KCNH5: variants seen among roughly 807,000 people sequenced by gnomAD.
KCNH5 encodes voltage-gated delayed rectifier potassium channel KCNH5.
Under a neutral mutation model 96.1 loss-of-function variants are expected in KCNH5, and 46 were observed. The observed-to-expected ratio is 0.48, with a 90% CI of 0.38 to 0.61. The LOEUF is 0.61. Ranked by LOEUF, KCNH5 falls within the 20% of genes least tolerant of loss-of-function variation. The probability of loss-of-function intolerance (pLI) is 0.00; values close to 1 mark genes in which losing one functional copy is unlikely to be tolerated. For synonymous variants in KCNH5, 439 were observed against 449.8 expected (o/e 0.98, Z 0.30); for missense variants, 907 against 1,225.8 (o/e 0.74, Z 3.88).
intron 1 of KCNH5, among the ~76,000 whole-genome samples, chr14:63,029,782 G>A (rs189131097): frequency 0.011 from 1,738 of 152,004 alleles, 23 homozygotes; most frequent in African/African-American, 0.03. Context: ...CACTCTCTAT[G>A]TATATGAAAT....
intron 5 of KCNH5, among the ~76,000 whole-genome samples, chr14:62,985,481 C>T (rs755582962): frequency 6.6e-6 from 1 of 152,102 alleles, no homozygotes; most frequent in South Asian, 2.1e-4. Context: ...AACTGATAAG[C>T]GTATGGATTT....
At chr14:62,826,030 T>C (rs1319977351) in intron 8 of KCNH5, among the ~76,000 whole-genome samples, 1 of 152,180 alleles carries the variant, frequency 6.6e-6, no homozygotes, top group East Asian at 1.9e-4. Context: ...CAATAAGCTG[T>C]AGCTTACTGA....
intron 6 of KCNH5, among the ~76,000 whole-genome samples, chr14:62,958,997 T>C (rs1029077466): frequency 6.6e-6 from 1 of 151,956 alleles, no homozygotes; most frequent in African/African-American, 2.4e-5. Context: ...AAAATTAACA[T>C]ACCCCCTCAC....
intron 10 of KCNH5, among the ~76,000 whole-genome samples, chr14:62,722,616 C>T (rs1384357168): frequency 6.6e-6 from 1 of 152,108 alleles, no homozygotes; most frequent in Non-Finnish European, 1.5e-5. Flanking sequence ...AGTTATGACT[C>T]CATATGCTGG....
chr14:62,915,098 AAT>A (rs1889248776), intron 7 of KCNH5, among the ~76,000 whole-genome samples: 1 of 152,248 alleles, frequency 6.6e-6, no homozygotes, highest in Non-Finnish European at 1.5e-5. Flanking sequence ...CCAGTTAAGC[AAT>A]ATGTGAAAAG....
At chr14:62,769,907 A>C (rs1266751554) in intron 10 of KCNH5, among the ~76,000 whole-genome samples, 1 of 152,240 alleles carries the variant, frequency 6.6e-6, no homozygotes, top group East Asian at 1.9e-4. Flanking sequence ...CCAAAGTACC[A>C]TAATCAGTGT....
chr14:63,006,312 AAACATAATATTAATAAAGAGTTGG>A, intron 3 of KCNH5, 30 bp downstream of exon 3: 2 of 1,159,032 alleles, frequency 1.7e-6, no homozygotes, highest in Non-Finnish European at 2.6e-6. Flanking sequence ...ACGACTTACC[AAACATAATATTAATAAAGAGTTGG>A]CACATCTTAT....
At chr14:62,710,842 G>T (rs1007116039) in intron 10 of KCNH5, among the ~76,000 whole-genome samples, 3 of 152,154 alleles carry the variant, frequency 2.0e-5, no homozygotes. Flanking sequence ...TTATAAATCT[G>T]AATTGGACAT....
At chr14:62,974,982 A>G (rs1890474565) in intron 6 of KCNH5, among the ~76,000 whole-genome samples, 1 of 152,236 alleles carries the variant, frequency 6.6e-6, no homozygotes, top group African/African-American at 2.4e-5. Flanking sequence ...GAATTCTACA[A>G]GCAAAATATA....
intron 7 of KCNH5, among the ~76,000 whole-genome samples, chr14:62,930,616 A>G (rs1319507364): frequency 1.3e-5 from 2 of 152,160 alleles, no homozygotes; most frequent in African/African-American, 4.8e-5. Flanking sequence ...TAGCCCAAAC[A>G]CAAACTGAAA....
At chr14:62,744,288 C>G (rs1012763316) in intron 10 of KCNH5, among the ~76,000 whole-genome samples, 19 of 152,100 alleles carry the variant, frequency 1.2e-4, no homozygotes, top group Admixed American at 1.2e-3. Flanking sequence ...TCCTCAGGTT[C>G]TTGGATTTTT....
chr14:62,971,571 C>A (rs12589613), intron 6 of KCNH5, among the ~76,000 whole-genome samples: 58,172 of 151,646 alleles, frequency 0.38, 11,586 homozygotes, highest in African/African-American at 0.47. Flanking sequence ...GTTGAAGAAC[C>A]AAGTCAGAAG....
In KCNH5 at chr14:63,016,890, A is replaced by G. The variant is rs1359595968; in HGVS notation, c.138T>C (p.Gly46=). 1 of 1,610,998 alleles carries G rather than the reference A, an allele frequency of 6.2e-7. No homozygotes were observed. Among genetic ancestry groups the G allele is most frequent in the Admixed American group, 1.7e-5 (1 of 59,710 alleles). The part of the protein sequence containing the change: ...VDWPVVYSND[G]FCKLSGYHRA... ...GATGATATCCAGAGAGTTTACAAAAACCGTCATTACTATAAACTACAGGCC... is the reference window on the plus strand; with the variant it reads ...GATGATATCCAGAGAGTTTACAAAAGCCGTCATTACTATAAACTACAGGCC... The change falls in exon 2 of 11, where the codon GGT becomes GGC. Residue 46 remains glycine (G), a synonymous_variant. Coordinates refer to ENST00000322893, the MANE Select transcript of KCNH5 (RefSeq NM_139318.5).
chr14:62,777,500 A>T (rs1238710761), intron 10 of KCNH5, among the ~76,000 whole-genome samples: 1 of 152,206 alleles, frequency 6.6e-6, no homozygotes, highest in Non-Finnish European at 1.5e-5. Context: ...CCCATTAGAT[A>T]ATATTTTCTC....
intron 6 of KCNH5, among the ~76,000 whole-genome samples, chr14:62,976,035 A>G (rs1382203517): frequency 6.6e-6 from 1 of 151,968 alleles, no homozygotes; most frequent in African/African-American, 2.4e-5. Context: ...GTTAGAAAAT[A>G]ACGTGGAAGA....
At chr14:62,759,969 A>G (rs1451069362) in intron 10 of KCNH5, among the ~76,000 whole-genome samples, 1 of 152,178 alleles carries the variant, frequency 6.6e-6, no homozygotes, top group Non-Finnish European at 1.5e-5. Context: ...CCCACTCCCA[A>G]CAGCCTACAG....
At chr14:62,753,839 C>T (rs1253531003) in intron 10 of KCNH5, among the ~76,000 whole-genome samples, 2 of 152,100 alleles carry the variant, frequency 1.3e-5, no homozygotes, top group African/African-American at 4.8e-5. Context: ...ACAAGAAATG[C>T]TAAAGGTAGT....
intron 7 of KCNH5, among the ~76,000 whole-genome samples, chr14:62,936,747 G>A (rs544793132): frequency 6.6e-6 from 1 of 151,524 alleles, no homozygotes; most frequent in South Asian, 2.1e-4. Context: ...GGCGGCCAAG[G>A]CAGGCAGATC....
chr14:62,973,827 T>C (rs1250421413), intron 6 of KCNH5, among the ~76,000 whole-genome samples: 2 of 152,186 alleles, frequency 1.3e-5, no homozygotes, highest in African/African-American at 2.4e-5. Context: ...AAGCCAACTA[T>C]ATTAAATAAC....
Sources: gnomAD v4.1 joint callset for allele counts (sites outside exome capture counted in the v4.1 genomes callset) on GRCh38, gnomAD v4.1.1 for gene constraint, MANE v1.5 for transcripts, NCBI Gene and HGNC (gene_info 2026-07-23, HGNC 2026-07-21) for gene names.